The following FAM227B variants were observed in gnomAD, a reference collection of about 807,000 sequenced individuals.
FAM227B encodes family with sequence similarity 227 member B, also known as protein FAM227B.
Under a neutral mutation model 73.8 loss-of-function variants are expected in FAM227B, and 88 were observed. That is an observed-to-expected ratio of 1.19 (90% CI 1.00 to 1.42). The LOEUF is 1.42. Among genes scored for constraint, FAM227B ranks in the 40% most tolerant of loss-of-function variants. The probability of loss-of-function intolerance (pLI) is 0.00; values close to 1 mark genes in which losing one functional copy is unlikely to be tolerated. For missense variants in FAM227B, 632 were observed against 590.9 expected (o/e 1.07, Z -0.72); for synonymous variants, 210 against 190.5 (o/e 1.10, Z -0.84).
intron 9 of FAM227B, among the ~76,000 whole-genome samples, chr15:49,549,617 C>T (rs2072502202): frequency 1.3e-5 from 2 of 151,678 alleles, no homozygotes; most frequent in African/African-American, 4.8e-5. Flanking sequence ...GTGGACACAG[C>T]ACATGATTCC....
chr15:49,439,663 C>CT (rs1429141013), intron 11 of FAM227B, among the ~76,000 whole-genome samples: 6 of 151,704 alleles, frequency 4.0e-5, no homozygotes, highest in African/African-American at 1.5e-4. Flanking sequence ...GATAGCTTTC[C>CT]TTATTGGAAC....
chr15:49,560,248 A>G (rs1206157985), intron 9 of FAM227B, among the ~76,000 whole-genome samples: 2 of 152,192 alleles, frequency 1.3e-5, no homozygotes, highest in African/African-American at 4.8e-5. Context: ...AGTTTTATCA[A>G]TAGTCTAGAC....
chr15:49,538,400 T>A (rs1050370546), intron 10 of FAM227B, among the ~76,000 whole-genome samples: 3 of 152,068 alleles, frequency 2.0e-5, no homozygotes, highest in Non-Finnish European at 4.4e-5. Context: ...GACCTAAGCT[T>A]AGGGTCCCTG....
At chr15:49,390,827 T>C (rs1023531193) in intron 11 of FAM227B, among the ~76,000 whole-genome samples, 1 of 150,376 alleles carries the variant, frequency 6.6e-6, no homozygotes, top group Non-Finnish European at 1.5e-5. Flanking sequence ...ACTTTAAACA[T>C]GTGACAACCA....
At chr15:49,612,452 T>C (rs768721044) in intron 2 of FAM227B, among the ~76,000 whole-genome samples, 2 of 152,180 alleles carry the variant, frequency 1.3e-5, no homozygotes, top group Non-Finnish European at 2.9e-5. Flanking sequence ...TAGTATTCCA[T>C]GGTGTATATG....
At chr15:49,407,731 T>G (rs964667915) in intron 11 of FAM227B, among the ~76,000 whole-genome samples, 2 of 150,628 alleles carry the variant, frequency 1.3e-5, no homozygotes, top group Non-Finnish European at 3.0e-5. Flanking sequence ...ATGCTGTAAT[T>G]TTCACCTTTA....
chr15:49,444,147 G>GA (rs2051952507), intron 11 of FAM227B, among the ~76,000 whole-genome samples: 1 of 151,528 alleles, frequency 6.6e-6, no homozygotes, highest in Non-Finnish European at 1.5e-5. Context: ...TGGGATAGCA[G>GA]AAAACTCATC....
chr15:49,415,953 G>A (rs767799931), intron 11 of FAM227B, among the ~76,000 whole-genome samples: 6 of 152,210 alleles, frequency 3.9e-5, no homozygotes, highest in South Asian at 2.1e-4. Flanking sequence ...TTGGGTTGAC[G>A]TGTCCATACT....
intron 3 of FAM227B, among the ~76,000 whole-genome samples, chr15:49,597,458 ACAGCAAAAC>A (rs2153293414): frequency 6.6e-6 from 1 of 152,124 alleles, no homozygotes; most frequent in South Asian, 2.1e-4. Context: ...CCTCTAAGGT[ACAGCAAAAC>A]CAGTGCTAAG....
At chr15:49,383,640 T>C (rs2046683869) in intron 11 of FAM227B, among the ~76,000 whole-genome samples, 1 of 151,832 alleles carries the variant, frequency 6.6e-6, no homozygotes, top group Non-Finnish European at 1.5e-5. Context: ...TCCCACAAAA[T>C]GAAAACTGGC....
intron 11 of FAM227B, chr15:49,486,353 T>G (rs1185942518): frequency 6.6e-6 from 1 of 152,002 alleles, no homozygotes; most frequent in South Asian, 2.1e-4. Context: ...TTCTGAACTA[T>G]CACCTGATTC....
chr15:49,481,829 C>A (rs902656204), intron 11 of FAM227B, among the ~76,000 whole-genome samples: 1 of 152,076 alleles, frequency 6.6e-6, no homozygotes, highest in Non-Finnish European at 1.5e-5. Context: ...CTCAACTGGA[C>A]GAGCTCTGAC....
chr15:49,440,756 C>T (rs2051558665), intron 11 of FAM227B, among the ~76,000 whole-genome samples: 1 of 151,664 alleles, frequency 6.6e-6, no homozygotes, highest in Non-Finnish European at 1.5e-5. Context: ...TAGTAAACAA[C>T]AGAGTCAGGA....
chr15:49,367,695 A>G, intron 12 of FAM227B, 87 bp from the exon 13 acceptor site: 8 of 1,225,082 alleles, frequency 6.5e-6, no homozygotes, highest in Non-Finnish European at 8.9e-6. Context: ...TATTTAGCAT[A>G]AAGTTACCAT....
At chr15:49,576,506 T>C (rs748639382) in intron 7 of FAM227B, 5 of 371,150 alleles carry the variant, frequency 1.3e-5, no homozygotes, top group Non-Finnish European at 2.0e-5. Flanking sequence ...TACGGTTACA[T>C]GCCAAGCCAG....
At chr15:49,360,498 T>C (rs1236268321) in intron 13 of FAM227B, among the ~76,000 whole-genome samples, 1 of 152,214 alleles carries the variant, frequency 6.6e-6, no homozygotes, top group African/African-American at 2.4e-5. Context: ...TTAAAAAAAT[T>C]ATTAAATTTT....
chr15:49,528,322 T>A lies in FAM227B; in HGVS notation c.874+13358A>T, dbSNP rs547282248. On this transcript the variant is annotated intron_variant, in intron 10 of 15. Transcript: ENST00000299338. Reference sequence around the variant, plus strand: ...TGCAGAAAACGAAACTGGACCCCTATCTCTCATCGTATGCAAAAATTAACC... The same window carrying A: ...TGCAGAAAACGAAACTGGACCCCTAACTCTCATCGTATGCAAAAATTAACC... 4.6e-5 allele frequency among the ~76,000 whole-genome samples: 7 copies of A among 151,778 alleles called. No individual in the cohort carries two copies. In the South Asian group the frequency reaches 8.3e-4, roughly 18 times the overall value.
intron 2 of FAM227B, among the ~76,000 whole-genome samples, chr15:49,612,829 TA>T (rs1231099415): frequency 5.9e-5 from 9 of 152,190 alleles, no homozygotes; most frequent in Non-Finnish European, 1.3e-4. Context: ...AATTGGGGGA[TA>T]TTTCATTCAT....
chr15:49,412,902 A>T (rs1210301298), intron 11 of FAM227B, among the ~76,000 whole-genome samples: 2 of 152,050 alleles, frequency 1.3e-5, no homozygotes, highest in Non-Finnish European at 2.9e-5. Context: ...AAAGGTCCAG[A>T]TCTCTCTGAT....
Sources: allele counts gnomAD v4.1 joint callset (sites outside exome capture counted in the v4.1 genomes callset), GRCh38; gene constraint gnomAD v4.1.1; transcripts MANE v1.5; gene names NCBI Gene and HGNC (gene_info 2026-07-23, HGNC 2026-07-21).